The following NRG1 variants were observed in gnomAD, a reference collection of about 807,000 sequenced individuals.
NRG1 encodes pro-neuregulin-1, membrane-bound isoform.
Under a neutral mutation model 63.8 loss-of-function variants are expected in NRG1, and 18 were observed. The ratio of observed to expected loss-of-function variants is 0.28; its 90% CI spans 0.19 to 0.42. The LOEUF is 0.42. Ranked by LOEUF, NRG1 falls within the 10% of genes least tolerant of loss-of-function variation. NRG1 has a pLI of 1.00. For synonymous variants in NRG1, 302 were observed against 301.3 expected, an observed-to-expected ratio of 1.00 and a Z score of -0.02; for missense variants, 762 against 814.7, an observed-to-expected ratio of 0.94 and a Z score of 0.79.
At chr8:32,292,697 A>G (rs1854343972) in intron 1 of NRG1, among the ~76,000 whole-genome samples, 1 of 152,368 alleles carries the variant, frequency 6.6e-6, no homozygotes, top group African/African-American at 2.4e-5. Context: ...AGAAGGTGTG[A>G]CACTGAACGA....
At chr8:32,431,645 C>A (rs77438153) in intron 1 of NRG1, among the ~76,000 whole-genome samples, 2 of 151,984 alleles carry the variant, frequency 1.3e-5, no homozygotes, top group Admixed American at 6.6e-5. Flanking sequence ...CTTCATATAC[C>A]CTGTCTGTGC....
chr8:32,226,375 G>A (rs570735725), intron 1 of NRG1, among the ~76,000 whole-genome samples: 2 of 152,166 alleles, frequency 1.3e-5, no homozygotes, highest in African/African-American at 2.4e-5. Flanking sequence ...CCAAGGGCTC[G>A]CTACGTATGT....
At chr8:32,066,503 T>C (rs1377136768) in intron 1 of NRG1, among the ~76,000 whole-genome samples, 1 of 152,160 alleles carries the variant, frequency 6.6e-6, no homozygotes, top group Non-Finnish European at 1.5e-5. Flanking sequence ...GTTGTAGATA[T>C]GCAGCATTAT....
chr8:32,548,961 T>G (rs536843554), intron 1 of NRG1, 135 bp downstream of exon 1: 1 of 1,241,546 alleles, frequency 8.1e-7, no homozygotes, highest in East Asian at 2.8e-5. Context: ...GAGCGCCCGT[T>G]GAGTCGCGCG....
chr8:32,135,961 T>G (rs1280794884), intron 1 of NRG1, among the ~76,000 whole-genome samples: 1 of 126,988 alleles, frequency 7.9e-6, no homozygotes, highest in African/African-American at 2.6e-5. Context: ...GAGTGATTGT[T>G]GAGATGTTTT....
intron 1 of NRG1, among the ~76,000 whole-genome samples, chr8:32,091,510 A>G (rs1829152564): frequency 6.6e-6 from 1 of 152,160 alleles, no homozygotes; most frequent in South Asian, 2.1e-4. Flanking sequence ...ACAGTAAAGG[A>G]GCTGAAATAA....
At chr8:31,930,139 AT>A (rs150359628) in intron 1 of NRG1, among the ~76,000 whole-genome samples, 7,412 of 152,252 alleles carry the variant, frequency 0.049, 596 homozygotes, top group African/African-American at 0.17. Flanking sequence ...TTTGAGTATG[AT>A]TAGTGACATG....
intron 1 of NRG1, among the ~76,000 whole-genome samples, chr8:32,051,063 C>G (rs1821900158): frequency 6.6e-6 from 1 of 151,934 alleles, no homozygotes; most frequent in Non-Finnish European, 1.5e-5. Flanking sequence ...TCCATGTTCT[C>G]CCTCATAAAA....
intron 7 of NRG1, among the ~76,000 whole-genome samples, chr8:32,751,486 G>A (rs1828717987): frequency 6.6e-6 from 1 of 151,966 alleles, no homozygotes; most frequent in Non-Finnish European, 1.5e-5. Context: ...TTAATATGGG[G>A]AAAAAAGAGG....
At chr8:31,827,394 G>A (rs191278550) in intron 1 of NRG1, among the ~76,000 whole-genome samples, 1 of 152,210 alleles carries the variant, frequency 6.6e-6, no homozygotes, top group Admixed American at 6.5e-5. Context: ...GAGAAAATGG[G>A]CCTTTTTTTT....
intron 1 of NRG1, among the ~76,000 whole-genome samples, chr8:32,113,857 A>T (rs546800358): frequency 4.6e-5 from 7 of 152,192 alleles, no homozygotes. Flanking sequence ...TGTATGTGTG[A>T]TGTGTACCAT....
chr8:31,683,505 C>T (rs1808552394), intron 1 of NRG1, among the ~76,000 whole-genome samples: 1 of 152,134 alleles, frequency 6.6e-6, no homozygotes, highest in South Asian at 2.1e-4. Flanking sequence ...AAAGGCAAAA[C>T]TATGGAGTCG....
At chr8:32,187,888 A>G (rs1842118987) in intron 1 of NRG1, among the ~76,000 whole-genome samples, 1 of 152,194 alleles carries the variant, frequency 6.6e-6, no homozygotes, top group Non-Finnish European at 1.5e-5. Flanking sequence ...ACTTGGGGCA[A>G]CATGCTCCCA....
intron 1 of NRG1, among the ~76,000 whole-genome samples, chr8:32,558,273 C>T (rs1457816161): frequency 6.6e-6 from 1 of 152,184 alleles, no homozygotes; most frequent in Non-Finnish European, 1.5e-5. Flanking sequence ...CAATATGCTA[C>T]TGATTACAGA....
chr8:32,284,994 C>T (rs547866281), intron 1 of NRG1, among the ~76,000 whole-genome samples: 21 of 152,310 alleles, frequency 1.4e-4, no homozygotes, highest in African/African-American at 4.8e-4. Context: ...ACCTGAAGCA[C>T]TTCCACAAAT....
chr8:32,219,766 C>T (rs899244673), intron 1 of NRG1, among the ~76,000 whole-genome samples: 1 of 152,122 alleles, frequency 6.6e-6, no homozygotes, highest in East Asian at 1.9e-4. Flanking sequence ...TGGTTAGATC[C>T]TGTGAAGTTG....
chr8:31,761,621 C>T (rs1349649889), intron 1 of NRG1, among the ~76,000 whole-genome samples: 1 of 152,044 alleles, frequency 6.6e-6, no homozygotes, highest in Non-Finnish European at 1.5e-5. Context: ...AAGGAACAGA[C>T]AGTTTGTGGA....
chr8:32,630,047 G>A (rs977846057), intron 5 of NRG1, among the ~76,000 whole-genome samples: 11 of 152,172 alleles, frequency 7.2e-5, no homozygotes, highest in African/African-American at 2.7e-4. Context: ...TATTTGTCAA[G>A]TAGTGGTAGA....
At chr8:31,667,400 T>G (rs1806663493) in intron 1 of NRG1, among the ~76,000 whole-genome samples, 1 of 152,218 alleles carries the variant, frequency 6.6e-6, no homozygotes, top group Non-Finnish European at 1.5e-5. Context: ...TGCCAAGCAC[T>G]GTGAGTGATT....
Sources: allele counts gnomAD v4.1 joint callset (sites outside exome capture counted in the v4.1 genomes callset), GRCh38; gene constraint gnomAD v4.1.1; transcripts MANE v1.5; gene names NCBI Gene and HGNC (gene_info 2026-07-23, HGNC 2026-07-21).